The following FHIT variants were observed in gnomAD, a reference collection of about 807,000 sequenced individuals.
The protein encoded by FHIT is bis(5'-adenosyl)-triphosphatase.
In FHIT, 19 loss-of-function variants were observed where a neutral mutation model predicts 17.9. The ratio of observed to expected loss-of-function variants is 1.06; its 90% CI spans 0.74 to 1.56. The LOEUF is 1.56. Ranked by LOEUF, FHIT falls within the 40% of genes most tolerant of loss-of-function variation. The probability of loss-of-function intolerance (pLI) is 0.00; values close to 1 mark genes in which losing one functional copy is unlikely to be tolerated. For synonymous variants in FHIT, 81 were observed against 69.7 expected, an observed-to-expected ratio of 1.16 and a Z score of -0.81; for missense variants, 248 against 189.2, an observed-to-expected ratio of 1.31 and a Z score of -1.82.
chr3:60,338,177 G>A (rs975122814), intron 5 of FHIT, among the ~76,000 whole-genome samples: 3 of 152,116 alleles, frequency 2.0e-5, no homozygotes, highest in African/African-American at 7.2e-5. Context: ...TTAATCAGAA[G>A]AAATTGCTCA....
chr3:61,064,012 T>C (rs1160988393), intron 2 of FHIT, among the ~76,000 whole-genome samples: 1 of 152,116 alleles, frequency 6.6e-6, no homozygotes, highest in Non-Finnish European at 1.5e-5. Context: ...TTGATCTTTC[T>C]CAGGTACCTG....
chr3:60,399,584 T>C, intron 5 of FHIT, among the ~76,000 whole-genome samples: 1 of 152,072 alleles, frequency 6.6e-6, no homozygotes, highest in Non-Finnish European at 1.5e-5. Flanking sequence ...ACATACACAA[T>C]GAAGCAATCA....
intron 3 of FHIT, among the ~76,000 whole-genome samples, chr3:60,861,263 T>TA (rs1559782255): frequency 2.1e-5 from 2 of 97,424 alleles, no homozygotes; most frequent in African/African-American, 7.9e-5. Context: ...ATATGATATA[T>TA]CATATCATAT....
chr3:60,639,683 A>G (rs2039677739), intron 4 of FHIT, among the ~76,000 whole-genome samples: 1 of 152,210 alleles, frequency 6.6e-6, no homozygotes, highest in African/African-American at 2.4e-5. Context: ...ACATTAAAGG[A>G]AACACTAAAA....
At chr3:60,375,660 G>A (rs1433437190) in intron 5 of FHIT, among the ~76,000 whole-genome samples, 1 of 152,100 alleles carries the variant, frequency 6.6e-6, no homozygotes, top group Non-Finnish European at 1.5e-5. Context: ...ACCATTCTGT[G>A]AAGACAACTG....
At chr3:60,131,326 G>A (rs145930668) in intron 5 of FHIT, among the ~76,000 whole-genome samples, 1 of 151,082 alleles carries the variant, frequency 6.6e-6, no homozygotes, top group Non-Finnish European at 1.5e-5. Flanking sequence ...TTTTATTGTT[G>A]TATTACTTTT....
chr3:61,104,262 C>T (rs1036186688), intron 2 of FHIT, among the ~76,000 whole-genome samples: 7 of 152,158 alleles, frequency 4.6e-5, no homozygotes, highest in East Asian at 3.9e-4. Flanking sequence ...GGCAGGTCTG[C>T]TGGTAGTGAA....
At chr3:60,066,895 C>T (rs759344330) in intron 5 of FHIT, among the ~76,000 whole-genome samples, 14 of 151,940 alleles carry the variant, frequency 9.2e-5, no homozygotes, top group African/African-American at 2.2e-4. Flanking sequence ...CCGCCCACCT[C>T]GGCCTCCCAA....
chr3:60,421,995 G>T (rs146445483), intron 5 of FHIT, among the ~76,000 whole-genome samples: 79 of 152,168 alleles, frequency 5.2e-4, no homozygotes, highest in African/African-American at 1.8e-3. Flanking sequence ...ATTTTTAGAG[G>T]GTGAGCTAAA....
chr3:60,903,021 A>G (rs1553763592), intron 3 of FHIT, among the ~76,000 whole-genome samples: 1 of 152,234 alleles, frequency 6.6e-6, no homozygotes, highest in Admixed American at 6.5e-5. Context: ...CTTTACTCCT[A>G]TAAACCTGTA....
At chr3:59,778,292 G>A (rs144651329) in intron 8 of FHIT, among the ~76,000 whole-genome samples, 1,692 of 152,310 alleles carry the variant, frequency 0.011, 19 homozygotes, top group Non-Finnish European at 0.018. Context: ...AATGGATAAA[G>A]AGTAAAAGTG....
At chr3:59,919,094 C>A (rs889311105) in intron 8 of FHIT, among the ~76,000 whole-genome samples, 35 of 152,216 alleles carry the variant, frequency 2.3e-4, no homozygotes, top group African/African-American at 7.2e-4. Context: ...TCACAAAAAA[C>A]CCCCCACTAT....
chr3:60,426,608 C>T (rs1395574190), intron 5 of FHIT, among the ~76,000 whole-genome samples: 2 of 152,110 alleles, frequency 1.3e-5, no homozygotes, highest in Non-Finnish European at 2.9e-5. Context: ...GAAAGCACTA[C>T]AAAAACCCTA....
intron 3 of FHIT, among the ~76,000 whole-genome samples, chr3:61,006,898 T>A (rs1356582055): frequency 1.3e-5 from 2 of 152,164 alleles, no homozygotes; most frequent in African/African-American, 4.8e-5. Flanking sequence ...ATACTTTCGA[T>A]TGGAAAGAAG....
At chr3:61,056,932 A>T (rs78108493) in intron 2 of FHIT, among the ~76,000 whole-genome samples, 4 of 151,982 alleles carry the variant, frequency 2.6e-5, no homozygotes, top group Admixed American at 6.6e-5. Flanking sequence ...AGCAAAAGAT[A>T]AAAAAAACAA....
chr3:60,483,645 C>T (rs2033713810), intron 5 of FHIT, among the ~76,000 whole-genome samples: 1 of 152,104 alleles, frequency 6.6e-6, no homozygotes, highest in African/African-American at 2.4e-5. Flanking sequence ...GTGTTAAAAA[C>T]TGTCAATAAA....
intron 5 of FHIT, among the ~76,000 whole-genome samples, chr3:60,364,150 C>G (rs955355281): frequency 2.0e-5 from 3 of 152,208 alleles, no homozygotes; most frequent in African/African-American, 7.2e-5. Flanking sequence ...TCTTGGAACT[C>G]TGATACAGCC....
At chr3:60,536,776 G>A (rs1007533546) in intron 5 of FHIT, 84 bp downstream of exon 5, 9 of 1,405,796 alleles carry the variant, frequency 6.4e-6, no homozygotes, top group African/African-American at 2.9e-5. Flanking sequence ...CAGACTGGAG[G>A]CCAATCTTGT....
At chr3:61,067,857 A>T (rs1247960978) in intron 2 of FHIT, among the ~76,000 whole-genome samples, 3 of 152,222 alleles carry the variant, frequency 2.0e-5, no homozygotes, top group Non-Finnish European at 4.4e-5. Flanking sequence ...TTTGGTCAGA[A>T]CTTAGTCAAA....
Sources: allele counts gnomAD v4.1 joint callset (sites outside exome capture counted in the v4.1 genomes callset), GRCh38; gene constraint gnomAD v4.1.1; transcripts MANE v1.5; gene names NCBI Gene and HGNC (gene_info 2026-07-23, HGNC 2026-07-21).